GKAP1: variants seen among roughly 807,000 people sequenced by gnomAD.
GKAP1 encodes the protein G kinase-anchoring protein 1.
A neutral mutation model predicts 56.7 loss-of-function variants in GKAP1; 31 were observed. The observed-to-expected ratio is 0.55, with a 90% confidence interval of 0.41 to 0.74. GKAP1 has a LOEUF of 0.74. GKAP1 is among the 30% of genes least tolerant of loss of function. The pLI is 0.00. For missense variants in GKAP1, 364 were observed against 402.3 expected (o/e 0.90, Z 0.82); for synonymous variants, 151 against 138.6 (o/e 1.09, Z -0.63).
intron 11 of GKAP1, 22 bp from the exon 12 acceptor site, chr9:83,742,051 GA>G (rs1193200672): frequency 2.0e-6 from 3 of 1,525,254 alleles, no homozygotes; most frequent in Non-Finnish European, 1.8e-6. Flanking sequence ...TATTCAATAA[GA>G]AAAAGAATTT....
At chr9:83,770,779 C>A (rs1362588519) in intron 7 of GKAP1, among the ~76,000 whole-genome samples, 1 of 152,086 alleles carries the variant, frequency 6.6e-6, no homozygotes. Context: ...AGGCTCGTCT[C>A]GAACTCCTGA....
At chr9:83,776,626 G>A (rs757347524) in intron 7 of GKAP1, among the ~76,000 whole-genome samples, 8 of 152,170 alleles carry the variant, frequency 5.3e-5, no homozygotes, top group Non-Finnish European at 1.2e-4. Flanking sequence ...AACCCTGGAG[G>A]TGGAGGTTGC....
chr9:83,814,890 C>G (rs1295141979), intron 2 of GKAP1, among the ~76,000 whole-genome samples: 1 of 152,192 alleles, frequency 6.6e-6, no homozygotes, highest in Non-Finnish European at 1.5e-5. Context: ...TTGATTTAAG[C>G]CAGCCGGGCA....
chr9:83,801,901 A>C (rs1944337112), intron 3 of GKAP1, among the ~76,000 whole-genome samples: 1 of 152,228 alleles, frequency 6.6e-6, no homozygotes, highest in African/African-American at 2.4e-5. Flanking sequence ...CATTTTAAAG[A>C]ATATTCAGAA....
chr9:83,753,711 A>C (rs1193457213), intron 8 of GKAP1, among the ~76,000 whole-genome samples: 1 of 152,224 alleles, frequency 6.6e-6, no homozygotes, highest in African/African-American at 2.4e-5. Flanking sequence ...AAATTAATAA[A>C]AAATATGAAA....
intron 4 of GKAP1, among the ~76,000 whole-genome samples, chr9:83,792,589 C>G (rs1944179308): frequency 6.6e-6 from 1 of 152,178 alleles, no homozygotes; most frequent in Non-Finnish European, 1.5e-5. Context: ...CCTTAGATAA[C>G]AGGGAGAATG....
intron 12 of GKAP1, 45 bp from the exon 13 acceptor site, chr9:83,739,789 AT>A: frequency 6.8e-7 from 1 of 1,481,436 alleles, no homozygotes; most frequent in South Asian, 1.2e-5. Flanking sequence ...ACAACATACC[AT>A]TTTGGGACCA....
chr9:83,748,427 T>G (rs1943330580), intron 9 of GKAP1, 55 bp from the exon 10 acceptor site: 1 of 978,522 alleles, frequency 1.0e-6, no homozygotes, highest in Non-Finnish European at 1.6e-6. Flanking sequence ...ATATAATTAA[T>G]GATTTACTGT....
At chr9:83,750,889 TG>T (rs2131237821) in intron 9 of GKAP1, among the ~76,000 whole-genome samples, 1 of 152,050 alleles carries the variant, frequency 6.6e-6, no homozygotes, top group East Asian at 1.9e-4. Flanking sequence ...CAGGCTGGAG[TG>T]CATGGCACGA....
intron 6 of GKAP1, among the ~76,000 whole-genome samples, chr9:83,783,280 A>G (rs1205803299): frequency 1.3e-5 from 2 of 152,212 alleles, no homozygotes; most frequent in Admixed American, 6.5e-5. Context: ...GTGAGCAACT[A>G]TTCTGACGGG....
chr9:83,785,505 T>G lies in GKAP1; in HGVS notation c.439-667A>C, dbSNP rs1455474925. Among the ~76,000 whole-genome samples the G allele has an allele frequency of 2.0e-5, 3 of 152,184 alleles. No homozygotes were observed. The East Asian group carries it at 5.8e-4, about 29-fold the overall frequency. ...TATCTTTCCATCTCACTACCCTGCC[T>G]TCCCCACTCGATCCTTTATGAAGTA... On this transcript the variant is annotated intron_variant, in intron 5 of 12. Coordinates refer to ENST00000376371, the MANE Select transcript of GKAP1 (RefSeq NM_025211.4).
chr9:83,768,999 C>T, intron 7 of GKAP1, 29 bp from the exon 8 acceptor site: 1 of 1,584,110 alleles, frequency 6.3e-7, no homozygotes, highest in Non-Finnish European at 8.6e-7. Context: ...GATTTACTAT[C>T]ATTCAACATG....
intron 4 of GKAP1, 35 bp from the exon 5 acceptor site, chr9:83,788,713 A>G: frequency 7.8e-7 from 1 of 1,287,234 alleles, no homozygotes; most frequent in Admixed American, 1.7e-5. Context: ...AACAGACAGT[A>G]TCATTACATC....
intron 8 of GKAP1, among the ~76,000 whole-genome samples, chr9:83,759,337 T>C (rs936134845): frequency 2.6e-5 from 4 of 152,174 alleles, no homozygotes; most frequent in Non-Finnish European, 5.9e-5. Context: ...CACAGCTCTA[T>C]GCAGCCTTGA....
intron 5 of GKAP1, among the ~76,000 whole-genome samples, chr9:83,785,869 G>A (rs1944055295): frequency 6.6e-6 from 1 of 152,120 alleles, no homozygotes; most frequent in African/African-American, 2.4e-5. Context: ...TCCTTGCCTA[G>A]TACATGAAGA....
intron 7 of GKAP1, among the ~76,000 whole-genome samples, chr9:83,780,174 T>C (rs1172707560): frequency 6.6e-6 from 1 of 152,144 alleles, no homozygotes; most frequent in Admixed American, 6.5e-5. Flanking sequence ...AATTATATTA[T>C]GCTTCATGCA....
intron 8 of GKAP1, among the ~76,000 whole-genome samples, chr9:83,754,597 G>A (rs1172983915): frequency 2.0e-5 from 3 of 152,204 alleles, no homozygotes; most frequent in African/African-American, 7.2e-5. Context: ...AGAAAGAACA[G>A]TATGTTTGAA....
intron 5 of GKAP1, among the ~76,000 whole-genome samples, chr9:83,785,311 A>T: frequency 6.6e-6 from 1 of 152,058 alleles, no homozygotes; most frequent in Non-Finnish European, 1.5e-5. Context: ...CCTTCTCAAA[A>T]GCGTAGCGGT....
intron 10 of GKAP1, among the ~76,000 whole-genome samples, chr9:83,747,354 A>T (rs1943311897): frequency 6.6e-6 from 1 of 152,100 alleles, no homozygotes; most frequent in Admixed American, 6.6e-5. Flanking sequence ...CCTCTTGTCA[A>T]AAGTTTACAG....
Sources: gnomAD v4.1 joint callset for allele counts (sites outside exome capture counted in the v4.1 genomes callset) on GRCh38, gnomAD v4.1.1 for gene constraint, MANE v1.5 for transcripts, NCBI Gene and HGNC (gene_info 2026-07-23, HGNC 2026-07-21) for gene names.